The following IL1RAPL1 variants were observed in gnomAD, a reference collection of about 807,000 sequenced individuals.
IL1RAPL1 encodes the protein interleukin 1 receptor accessory protein like 1.
In IL1RAPL1, 3 loss-of-function variants were observed where a neutral mutation model predicts 48.4. The ratio of observed to expected loss-of-function variants is 0.06; its 90% CI spans 0.03 to 0.16. The LOEUF (loss-of-function observed/expected upper bound fraction) is 0.16. Ranked by LOEUF, IL1RAPL1 falls within the 10% of genes least tolerant of loss-of-function variation. The probability of loss-of-function intolerance (pLI) is 1.00; values close to 1 mark genes in which losing one functional copy is unlikely to be tolerated. For synonymous variants in IL1RAPL1, 185 were observed against 187.7 expected, an observed-to-expected ratio of 0.99 and a Z score of 0.12; for missense variants, 349 against 530.6, an observed-to-expected ratio of 0.66 and a Z score of 3.36.
At chrX:29,334,046 G>A (rs1472766744) in intron 3 of IL1RAPL1, among the ~76,000 whole-genome samples, 1 of 86,336 alleles carries the variant, frequency 1.2e-5, no homozygotes, top group Non-Finnish European at 2.3e-5. Flanking sequence ...CCTCCCTCCC[G>A]GACTGGGCGG....
chrX:29,569,588 A>T (rs922010425), intron 5 of IL1RAPL1, among the ~76,000 whole-genome samples: 2 of 109,404 alleles, frequency 1.8e-5, no homozygotes, highest in Admixed American at 9.8e-5. Flanking sequence ...ATAATCTGGG[A>T]TGATTAATTT....
intron 5 of IL1RAPL1, among the ~76,000 whole-genome samples, chrX:29,628,651 A>G (rs1254105967): frequency 1.8e-5 from 2 of 111,987 alleles, no homozygotes; most frequent in Admixed American, 1.9e-4. Flanking sequence ...CTCCCATAGC[A>G]CTGTGTCCAT....
chrX:29,673,413 C>T (rs1009513094), intron 6 of IL1RAPL1, among the ~76,000 whole-genome samples: 1 of 111,416 alleles, frequency 9.0e-6, no homozygotes, highest in Non-Finnish European at 1.9e-5. Flanking sequence ...CAGATTTTCT[C>T]ATCTACATTC....
intron 5 of IL1RAPL1, among the ~76,000 whole-genome samples, chrX:29,639,118 G>A (rs939237275): frequency 9.3e-6 from 1 of 107,832 alleles, no homozygotes; most frequent in Admixed American, 9.8e-5. Flanking sequence ...CCCAGGAGGC[G>A]GAGCTTGCAG....
intron 6 of IL1RAPL1, among the ~76,000 whole-genome samples, chrX:29,810,295 A>G (rs1349207776): frequency 9.1e-6 from 1 of 110,229 alleles, no homozygotes; most frequent in African/African-American, 3.3e-5. Context: ...GGTTCAAGCA[A>G]TTCTCTGCCT....
chrX:28,834,164 G>T (rs1921144164), intron 2 of IL1RAPL1, among the ~76,000 whole-genome samples: 1 of 110,888 alleles, frequency 9.0e-6, no homozygotes, highest in South Asian at 3.8e-4. Flanking sequence ...CCATTTCCTA[G>T]GTACACACCA....
intron 2 of IL1RAPL1, among the ~76,000 whole-genome samples, chrX:28,986,889 AAAG>A (rs1439089655): frequency 8.9e-6 from 1 of 112,155 alleles, no homozygotes; most frequent in Admixed American, 9.5e-5. Context: ...TGGATTTGTC[AAAG>A]AAGAGCCACT....
At chrX:29,170,045 G>A (rs1161620825) in intron 2 of IL1RAPL1, among the ~76,000 whole-genome samples, 1 of 111,319 alleles carries the variant, frequency 9.0e-6, no homozygotes, top group African/African-American at 3.2e-5. Flanking sequence ...TACTAAATTT[G>A]TACCCCAGCA....
intron 2 of IL1RAPL1, among the ~76,000 whole-genome samples, chrX:29,007,321 A>G (rs1046234166): frequency 1.2e-4 from 13 of 112,112 alleles, no homozygotes; most frequent in African/African-American, 3.9e-4. Flanking sequence ...TATGAAGACC[A>G]GAATTGTTTA....
chrX:29,350,252 ACC>A (rs762325404), intron 3 of IL1RAPL1, among the ~76,000 whole-genome samples: 3 of 41,516 alleles, frequency 7.2e-5, no homozygotes, highest in African/African-American at 4.2e-4. Context: ...GTTTGGATAC[ACC>A]CCCCCCCCCA....
intron 2 of IL1RAPL1, among the ~76,000 whole-genome samples, chrX:29,264,309 A>G (rs1467137002): frequency 9.0e-6 from 1 of 111,581 alleles, no homozygotes; most frequent in Non-Finnish European, 1.9e-5. Flanking sequence ...TTGGGAGGGC[A>G]TGCTTCCCTG....
chrX:29,099,634 C>G (rs775109766), intron 2 of IL1RAPL1, among the ~76,000 whole-genome samples: 1 of 111,275 alleles, frequency 9.0e-6, no homozygotes, highest in Non-Finnish European at 1.9e-5. Flanking sequence ...CTCCGTTAGT[C>G]GATAATGTAC....
intron 3 of IL1RAPL1, among the ~76,000 whole-genome samples, chrX:29,359,173 A>G (rs1041569383): frequency 9.0e-6 from 1 of 111,426 alleles, no homozygotes. Context: ...TTCCTCTTAA[A>G]CTTATCAATA....
At chrX:28,842,605 A>C (rs1424197896) in intron 2 of IL1RAPL1, among the ~76,000 whole-genome samples, 1 of 111,545 alleles carries the variant, frequency 9.0e-6, no homozygotes, top group East Asian at 2.8e-4. Context: ...TAATCTGTAC[A>C]TATTGAGGAG....
At chrX:29,204,334 C>A (rs977672390) in intron 2 of IL1RAPL1, among the ~76,000 whole-genome samples, 2 of 112,115 alleles carry the variant, frequency 1.8e-5, no homozygotes, top group African/African-American at 6.5e-5. Context: ...TACATTCCCA[C>A]CAACAGTGTA....
intron 2 of IL1RAPL1, among the ~76,000 whole-genome samples, chrX:28,863,325 A>ACAATAT (rs2147303749): frequency 9.1e-6 from 1 of 110,176 alleles, no homozygotes; most frequent in East Asian, 2.8e-4. Flanking sequence ...GCAGTAATAG[A>ACAATAT]CAATATGTTT....
At chrX:29,613,653 G>A (rs1004852416) in intron 5 of IL1RAPL1, among the ~76,000 whole-genome samples, 12 of 109,021 alleles carry the variant, frequency 1.1e-4, no homozygotes, top group Admixed American at 6.9e-4. Context: ...AAGGGATAAC[G>A]TGCTTGGGTC....
In IL1RAPL1 at chrX:28,862,253, T is replaced by C. The variant is rs552030335; in HGVS notation, c.82+72828T>C. Among the ~76,000 whole-genome samples, 8 of 112,190 alleles carry C rather than the reference T, an allele frequency of 7.1e-5. No individual in the cohort carries two copies. In the South Asian group the frequency reaches 2.2e-3, roughly 31 times the overall value. On this transcript the variant is annotated intron_variant, in intron 2 of 10. Transcript: ENST00000378993. ...CTTTATGTGAACACTCATAGGGGAC[T>C]ATTGTATAATGCTATCATTGTTAGC...
chrX:29,346,804 C>G (rs1935958727), intron 3 of IL1RAPL1, among the ~76,000 whole-genome samples: 1 of 112,155 alleles, frequency 8.9e-6, no homozygotes, highest in Admixed American at 9.4e-5. Context: ...AGGAAATACA[C>G]CTTGACAGGT....
Sources: gnomAD v4.1 joint callset for allele counts (sites outside exome capture counted in the v4.1 genomes callset) on GRCh38, gnomAD v4.1.1 for gene constraint, MANE v1.5 for transcripts, NCBI Gene and HGNC (gene_info 2026-07-23, HGNC 2026-07-21) for gene names.